Variants in SH3BP4 observed in about 807,000 individuals in gnomAD.
The protein encoded by SH3BP4 is SH3 domain-binding protein 4.
A neutral mutation model predicts 65.5 loss-of-function variants in SH3BP4; 33 were observed. The ratio of observed to expected loss-of-function variants is 0.50; its 90% CI spans 0.38 to 0.67. The LOEUF is 0.67. Ranked by LOEUF, SH3BP4 falls within the 30% of genes least tolerant of loss-of-function variation. The pLI is 0.00. For missense variants in SH3BP4, 1,134 were observed against 1,261.4 expected (o/e 0.90, Z 1.53); for synonymous variants, 552 against 545.5 (o/e 1.01, Z -0.17).
rs572164652 is a variant in SH3BP4, at chr2:235,029,423, C to A, written c.-132-5448C>A. Among the ~76,000 whole-genome samples, 160 of 152,236 alleles carry A rather than the reference C, an allele frequency of 1.1e-3. 1 individual carries two copies. Among genetic ancestry groups the A allele is most frequent in the Middle Eastern group, 0.01 (3 of 294 alleles). On this transcript the variant is annotated intron_variant, in intron 2 of 5. Transcript: ENST00000392011. ...GGTGTCTGAGTCTGAGGTTCAGGAA[C>A]CACTTGTTAAAAGAATGGGAATGCA... is the stretch of plus-strand genomic sequence containing the variant.
rs1036958929 is a variant in SH3BP4 at position 234,967,521 on chromosome 2, G to A, written c.-207+15351G>A. On this transcript the variant is annotated intron_variant, in intron 1 of 5. Transcript: ENST00000392011. This position sits in a 1 kb window ranked among gnomAD's most constrained non-coding sequence, Gnocchi z 4.6. ...CTTGGAGTCTCCTGCAGCAGTCCTC[G>A]ACCTTCCAGCCCTGCAGCTTCTGCA... Among the ~76,000 whole-genome samples the A allele has an allele frequency of 6.6e-6, 1 of 152,144 alleles. No homozygotes were observed.
Position 235,052,471 on chromosome 2 carries a change from C to A in SH3BP4, c.2479-91C>A. On this transcript the variant is annotated intron_variant, in intron 4 of 5. Coordinates refer to ENST00000392011, the MANE Select transcript of SH3BP4 (RefSeq NM_014521.3). This position sits in a 1 kb window ranked among gnomAD's most constrained non-coding sequence, Gnocchi z 5.0. ...AACATGGAGAATAGAGAGCCCATGG[C>A]CATTCCTGCGCCGTCTGCTGGAATT... is the stretch of plus-strand genomic sequence containing the variant. 1 of 1,011,438 alleles carries A rather than the reference C, an allele frequency of 9.9e-7. No homozygotes were observed. The highest frequency in any genetic ancestry group is 1.4e-6 in the Non-Finnish European group (1 of 710,956). The allele number at this position is 1,011,438 out of a possible 1,614,324, so 62.7% of individuals were successfully genotyped here. A position where few individuals can be genotyped will look rare whatever the true frequency, so the allele number is the denominator to read the frequency against.
chr2:234,968,923 A>G (rs28645594), intron 1 of SH3BP4, among the ~76,000 whole-genome samples: 8,059 of 152,220 alleles, frequency 0.053, 637 homozygotes, highest in African/African-American at 0.17. Context: ...TCTTTCTGCC[A>G]GTTTTCATAT....
intron 2 of SH3BP4, among the ~76,000 whole-genome samples, chr2:235,013,673 C>G (rs906681820): frequency 2.6e-5 from 4 of 152,184 alleles, no homozygotes; most frequent in Admixed American, 1.3e-4. Flanking sequence ...CTTCCAGGGT[C>G]TCCGTTCTGC....
Position 234,991,802 on chromosome 2 carries a change from G to A in SH3BP4, c.-206-3501G>A, listed in dbSNP as rs548609074. On this transcript the variant is annotated intron_variant, in intron 1 of 5. Coordinates refer to ENST00000392011, the MANE Select transcript of SH3BP4 (RefSeq NM_014521.3). The surrounding 1 kb of genome is among the most constrained non-coding windows in gnomAD (Gnocchi z 4.2). ...CTGAATCCATCCACTGGGACCTCCC[G>A]GACATGACAAGCCAGATTCTCTCCT... Among the ~76,000 whole-genome samples, 30 of 152,288 alleles carry A rather than the reference G, an allele frequency of 2.0e-4. 1 individual carries two copies. The South Asian group carries it at 2.7e-3, about 14-fold the overall frequency.
chr2:234,966,306 T>G (rs1166755539), intron 1 of SH3BP4, among the ~76,000 whole-genome samples: 1 of 152,114 alleles, frequency 6.6e-6, no homozygotes, highest in East Asian at 1.9e-4. Context: ...GAGGTCGAAG[T>G]TGCAGTGAGC....
At chr2:234,971,953 A>G (rs1047974709) in intron 1 of SH3BP4, among the ~76,000 whole-genome samples, 1 of 151,458 alleles carries the variant, frequency 6.6e-6, no homozygotes, top group African/African-American at 2.4e-5. Flanking sequence ...AGTAGCTGAG[A>G]CTACAGGCGT....
At chr2:235,036,876 G>T (rs1311842194) in intron 3 of SH3BP4, among the ~76,000 whole-genome samples, 1 of 152,042 alleles carries the variant, frequency 6.6e-6, no homozygotes, top group Non-Finnish European at 1.5e-5. Flanking sequence ...ACATGAAGGG[G>T]AGGGTGTTTT....
chr2:235,022,276 G>A (rs926088354), intron 2 of SH3BP4, among the ~76,000 whole-genome samples: 6 of 152,176 alleles, frequency 3.9e-5, no homozygotes, highest in Non-Finnish European at 7.3e-5. Context: ...CTACTTGGCC[G>A]GGTGTGGTGG....
At chr2:234,988,343 G>A (rs1422217639) in intron 1 of SH3BP4, among the ~76,000 whole-genome samples, 1 of 152,178 alleles carries the variant, frequency 6.6e-6, no homozygotes, top group African/African-American at 2.4e-5. Context: ...ACAGGCGTGA[G>A]CCACCACACC....
intron 2 of SH3BP4, among the ~76,000 whole-genome samples, chr2:235,017,045 C>CTTTTTTTTTTTT (rs995197698): frequency 2.3e-5 from 2 of 88,434 alleles, no homozygotes; most frequent in Non-Finnish European, 4.3e-5. Context: ...GTTTGCCTTT[C>CTTTTTTTTTTTT]TTTTTTTTTT....
intron 2 of SH3BP4, among the ~76,000 whole-genome samples, chr2:235,018,109 C>T (rs2106305700): frequency 6.6e-6 from 1 of 152,238 alleles, no homozygotes; most frequent in East Asian, 1.9e-4. Context: ...GTCTAAGTGG[C>T]TTATGGTGTA....
chr2:234,989,249 A>G (rs1668384582), intron 1 of SH3BP4, among the ~76,000 whole-genome samples: 1 of 152,122 alleles, frequency 6.6e-6, no homozygotes, highest in Non-Finnish European at 1.5e-5. Context: ...CTGTAGGAGG[A>G]TGGCGTCACT....
intron 1 of SH3BP4, among the ~76,000 whole-genome samples, chr2:234,990,728 A>G (rs552726633): frequency 1.3e-5 from 2 of 152,366 alleles, no homozygotes; most frequent in East Asian, 1.9e-4. Context: ...GCTGTTGTCA[A>G]TGAACCACAA....
chr2:234,957,731 A>G (rs544665997), intron 1 of SH3BP4, among the ~76,000 whole-genome samples: 28 of 152,112 alleles, frequency 1.8e-4, no homozygotes, highest in Non-Finnish European at 1.5e-5. Flanking sequence ...ACTGTAATGT[A>G]TATCCACGTT....
intron 3 of SH3BP4, among the ~76,000 whole-genome samples, chr2:235,038,246 A>AT (rs1281186817): frequency 0.071 from 3,782 of 53,356 alleles, 640 homozygotes; most frequent in East Asian, 0.43. Flanking sequence ...TTTTATATAT[A>AT]TATTATATAT....
intron 2 of SH3BP4, among the ~76,000 whole-genome samples, chr2:235,020,185 A>G (rs1287498554): frequency 6.6e-6 from 1 of 152,172 alleles, no homozygotes; most frequent in African/African-American, 2.4e-5. Context: ...TGAATTGAAA[A>G]TGCCTAGATA....
intron 2 of SH3BP4, among the ~76,000 whole-genome samples, chr2:235,025,700 A>G (rs2106314679): frequency 6.6e-6 from 1 of 152,348 alleles, no homozygotes; most frequent in African/African-American, 2.4e-5. Context: ...AGCACGATGA[A>G]CAGTGCGATG....
At position 235,041,545 on chromosome 2, in the gene SH3BP4, C is replaced by T. The variant is rs779899205; in HGVS notation, c.776C>T (p.Ala259Val). 2 of 1,614,040 alleles carry T rather than the reference C, an allele frequency of 1.2e-6. No homozygotes were observed. Among genetic ancestry groups the T allele is most frequent in the South Asian group, 1.1e-5 (1 of 91,094 alleles). ...ELSVLQAKSD[A>V]PTSSSFFTGL... ...TCCGTCCTCCAAGCCAAGTCCGATG[C>T]TCCCACATCGTCGAGTTTCTTCACC... is the stretch of plus-strand genomic sequence containing the variant. Residue 259 changes from alanine (A) to valine (V), a missense_variant, in exon 4 of 6, where the codon GCT (alanine) becomes GTT (valine). Transcript: ENST00000392011. The surrounding 1 kb of genome is among the most constrained non-coding windows in gnomAD (Gnocchi z 6.0).
Sources: gnomAD v4.1 joint callset for allele counts (sites outside exome capture counted in the v4.1 genomes callset) on GRCh38, gnomAD v4.1.1 for gene constraint, Gnocchi (gnomAD v3.1) non-coding constraint, MANE v1.5 for transcripts, NCBI Gene and HGNC (gene_info 2026-07-23, HGNC 2026-07-21) for gene names.